Variants in ZAN observed in about 807,000 individuals in gnomAD.
The protein encoded by ZAN is zonadhesin (gene/pseudogene).
In ZAN, 260 loss-of-function variants were observed where a neutral mutation model predicts 286.2. The observed-to-expected ratio is 0.91, with a 90% CI of 0.82 to 1.01. The LOEUF (loss-of-function observed/expected upper bound fraction) is 1.01, where lower values mean the gene tolerates loss of function less well. ZAN is among the 50% of genes least tolerant of loss of function. ZAN has a pLI of 0.00. For synonymous variants in ZAN, 1,368 were observed against 1,417.5 expected (o/e 0.97, Z 0.79); for missense variants, 3,410 against 3,639.2 (o/e 0.94, Z 1.62).
chr7:100,743,080 A>G (rs112759436), intron 7 of ZAN, among the ~76,000 whole-genome samples: 1 of 93,874 alleles, frequency 1.1e-5, no homozygotes, highest in Non-Finnish European at 2.6e-5. Context: ...CTGGAGTGCA[A>G]TGGCACGATC....
rs1164173641 is a variant in ZAN, at chr7:100,746,531, T to C, written c.767-7T>C. ...CCACCCCAGTTCCCTGGCCTTTTGC[T>C]TCACAGGTGGCTGCTACATGCTCCT... On this transcript the variant is annotated splice_polypyrimidine_tract_variant and splice_region_variant and intron_variant, in intron 7 of 47. Transcript: ENST00000613979. 1 of 1,613,734 alleles carries C rather than the reference T, an allele frequency of 6.2e-7. No homozygotes were observed. The highest frequency in any genetic ancestry group is 1.7e-5 in the Admixed American group (1 of 59,964).
rs1178744405 is a variant in ZAN, at chr7:100,791,039, C to T, written c.7455C>T (p.Ala2485=). Residue 2485 remains alanine (A), a synonymous_variant, in exon 40 of 48, where the codon GCC becomes GCT. Transcript: ENST00000613979. ...RKNDMMLPSG[A]LTQNLNTFGN... Reference sequence around the variant, plus strand: ...ATGACATGATGCTGCCCAGTGGCGCCCTGACCCAGAACCTCAACACCTTTG... The same window carrying T: ...ATGACATGATGCTGCCCAGTGGCGCTCTGACCCAGAACCTCAACACCTTTG... 3.1e-6 allele frequency: 5 copies of T among 1,613,072 alleles called. No individual in the cohort carries two copies. Among genetic ancestry groups the T allele is most frequent in the Non-Finnish European group, 4.2e-6 (5 of 1,179,612 alleles).
At chr7:100,738,870 T>C (rs140939785) in intron 7 of ZAN, among the ~76,000 whole-genome samples, 4,875 of 27,818 alleles carry the variant, frequency 0.18, 605 homozygotes, top group South Asian at 0.38. Flanking sequence ...CTTCCTCTTC[T>C]TCTTCTCCCT....
chr7:100,764,779 G>A (rs1159332587), intron 22 of ZAN, among the ~76,000 whole-genome samples: 1 of 152,046 alleles, frequency 6.6e-6, no homozygotes, highest in Non-Finnish European at 1.5e-5. Flanking sequence ...TTGGGAGGCT[G>A]AGGCAGGAAA....
intron 45 of ZAN, among the ~76,000 whole-genome samples, chr7:100,796,872 T>G (rs934504771): frequency 3.9e-5 from 6 of 152,072 alleles, no homozygotes; most frequent in African/African-American, 1.4e-4. Context: ...GCGTGGTGGT[T>G]CATGCCTGTA....
intron 9 of ZAN, 61 bp downstream of exon 9, chr7:100,747,702 A>C: frequency 2.7e-6 from 4 of 1,485,876 alleles, no homozygotes; most frequent in East Asian, 2.3e-5. Context: ...GTTGAAATAA[A>C]TTGAGGGGCC....
chr7:100,776,652 TCC>T (rs1810818505), intron 34 of ZAN, 88 bp downstream of exon 34: 3 of 715,660 alleles, frequency 4.2e-6, no homozygotes, highest in Non-Finnish European at 5.4e-6. Flanking sequence ...TTCCCTCCCC[TCC>T]CCTCCCCTCC....
intron 36 of ZAN, among the ~76,000 whole-genome samples, chr7:100,785,771 G>C (rs1811521710): frequency 6.6e-6 from 1 of 151,826 alleles, no homozygotes; most frequent in Non-Finnish European, 1.5e-5. Context: ...CAATTCTCCT[G>C]CCTCAGCCTC....
chr7:100,747,742 A>G (rs1562919311), intron 9 of ZAN, 101 bp downstream of exon 9: 2 of 1,186,834 alleles, frequency 1.7e-6, no homozygotes, highest in East Asian at 2.4e-5. Context: ...TGTATTCCCA[A>G]TACTTTGGGA....
At position 100,779,431 on chromosome 7, in the gene ZAN, C is replaced by A. The variant is rs1811038536; in HGVS notation, c.6318-15C>A. The A allele has an allele frequency of 6.3e-7, 1 of 1,594,534 alleles. No individual in the cohort carries two copies. ...GGGGACGGCTGTCCCTAGGCTGATT[C>A]TTTTCCCTTCCCAGTTGTCAGAGTC... On this transcript the variant is annotated splice_polypyrimidine_tract_variant and intron_variant, in intron 34 of 47. Transcript: ENST00000613979.
rs751220298 is a variant in ZAN, at chr7:100,786,128, TTG to T, written c.6970_6971del (p.Val2324LeufsTer5). The stretch of plus-strand genomic sequence containing the variant: ...TCACTTCCGACAACAGCAACAGCAA[TTG>T]TGTCTCAGACAGTAAGGGGAGCGAC... ...QLTSDNSNSN[C>X]VSDKSEQCSV... On this transcript the variant is annotated frameshift_variant, in exon 37 of 48. Transcript: ENST00000613979. LOFTEE classifies it high-confidence loss of function. The T allele has an allele frequency of 2.5e-6, 4 of 1,613,764 alleles. No individual in the cohort carries two copies. Among genetic ancestry groups the T allele is most frequent in the African/African-American group, 1.3e-5 (1 of 74,912 alleles).
rs376834112 is a variant in ZAN at position 100,748,146 on chromosome 7, G to A, written c.1033G>A (p.Val345Ile). ...CTCCCTTTCTCTCCAGTTTGCCGTG[G>A]TAGGCGTTTTTGGAAAGACCCCAGA... ...TAVGRIQFAV[V>I]GVFGKTPEPA... Residue 345 changes from valine (V) to isoleucine (I), a missense_variant, in exon 10 of 48, where the codon GTA (valine) becomes ATA (isoleucine). Val to Ile is a conservative substitution (Grantham distance 29). Transcript: ENST00000613979. 2.2e-5 allele frequency: 36 copies of A among 1,613,752 alleles called. No individual in the cohort carries two copies. Among genetic ancestry groups the A allele is most frequent in the South Asian group, 2.0e-4 (18 of 91,076 alleles).
chr7:100,766,550 G>C lies in ZAN; in HGVS notation c.4496G>C (p.Gly1499Ala), dbSNP rs781247083. 7.7e-6 allele frequency: 12 copies of C among 1,551,688 alleles called. No homozygotes were observed. In the South Asian group the frequency reaches 1.3e-4, roughly 17 times the overall value. ...FKVGERWYKP[G>A]CKELCVCESN... ...GTAGGGGAGCGGTGGTACAAGCCAGGCTGCAAAGAGTTGTGCGTCTGTGAA... is the reference window on the plus strand; with the variant it reads ...GTAGGGGAGCGGTGGTACAAGCCAGCCTGCAAAGAGTTGTGCGTCTGTGAA... Residue 1499 changes from glycine to alanine, a missense_variant, in exon 24 of 48, where the codon GGC becomes GCC. Transcript: ENST00000613979.
At chr7:100,744,930 C>G (rs1808081798) in intron 7 of ZAN, among the ~76,000 whole-genome samples, 1 of 150,954 alleles carries the variant, frequency 6.6e-6, no homozygotes, top group African/African-American at 2.4e-5. Context: ...GTCGCCCAGG[C>G]TGGAGTGCGG....
At position 100,749,170 on chromosome 7, in the gene ZAN, C is replaced by G. The variant is rs144202173; in HGVS notation, c.1249+700C>G. On this transcript the variant is annotated intron_variant, in intron 11 of 47. Transcript: ENST00000613979. The stretch of plus-strand genomic sequence containing the variant: ...GCTGGGCAACATAGTGAAACCCTGA[C>G]TCCACTAAAAAAAATGTAAAAATTA... 1.1e-3 allele frequency among the ~76,000 whole-genome samples: 161 copies of G among 151,682 alleles called. 1 individual carries two copies. Among genetic ancestry groups the G allele is most frequent in the African/African-American group, 3.9e-3 (160 of 41,314 alleles).
rs1809486984 is a variant in ZAN, at chr7:100,760,519, G to T, written c.3825G>T (p.Leu1275=). ...LRVRWDGDQQ[L]YVTVSSTYSG... The stretch of plus-strand genomic sequence containing the variant: ...TGAGATGGGATGGTGACCAGCAGCT[G>T]TATGTTACTGTGTCCAGGTAAGGCA... Residue 1275 remains leucine (L), a synonymous_variant, in exon 19 of 48, where the codon CTG becomes CTT. Transcript: ENST00000613979. 6.2e-7 allele frequency: 1 copy of T among 1,613,870 alleles called. No homozygotes were observed. Among genetic ancestry groups the T allele is most frequent in the Non-Finnish European group, 8.5e-7 (1 of 1,179,898 alleles).
At chr7:100,740,621 G>C (rs1807669407) in intron 7 of ZAN, among the ~76,000 whole-genome samples, 1 of 16,936 alleles carries the variant, frequency 5.9e-5, no homozygotes, top group Non-Finnish European at 1.2e-4. Flanking sequence ...TTGGGGGTAA[G>C]GTCACAGATC....
At chr7:100,792,593 C>A (rs770625598) in intron 42 of ZAN, 114 bp downstream of exon 42, 2 of 1,537,912 alleles carry the variant, frequency 1.3e-6, no homozygotes, top group Non-Finnish European at 1.8e-6. Context: ...CTGCCGTCCA[C>A]CTCTGCTGAA....
intron 7 of ZAN, among the ~76,000 whole-genome samples, chr7:100,743,614 T>C (rs971319099): frequency 1.3e-5 from 2 of 152,066 alleles, no homozygotes; most frequent in African/African-American, 4.8e-5. Context: ...CAGTAGCTCA[T>C]GCCTGTAATC....
Sources: allele counts gnomAD v4.1 joint callset (sites outside exome capture counted in the v4.1 genomes callset), GRCh38; gene constraint gnomAD v4.1.1; transcripts MANE v1.5; gene names NCBI Gene and HGNC (gene_info 2026-07-23, HGNC 2026-07-21).